Variants in SLC16A6 observed in about 807,000 individuals in gnomAD.
SLC16A6 encodes solute carrier family 16 member 6, also known as monocarboxylate transporter 7.
SLC16A6 carries 15 observed loss-of-function variants against 33.8 expected under a neutral mutation model. The ratio of observed to expected loss-of-function variants is 0.44; its 90% confidence interval spans 0.30 to 0.68. The LOEUF is 0.68. SLC16A6 is among the 30% of genes least tolerant of loss of function. The probability of loss-of-function intolerance (pLI) is 0.10; values close to 1 mark genes in which losing one functional copy is unlikely to be tolerated. For synonymous variants in SLC16A6, 219 were observed against 248.4 expected, an observed-to-expected ratio of 0.88 and a Z score of 1.11; for missense variants, 451 against 661.5, an observed-to-expected ratio of 0.68 and a Z score of 3.49.
At chr17:68,289,144 G>C (rs1194190632) in intron 1 of SLC16A6, among the ~76,000 whole-genome samples, 6 of 152,112 alleles carry the variant, frequency 3.9e-5, no homozygotes, top group African/African-American at 9.7e-5. Flanking sequence ...CCAGGAGTTT[G>C]AGACCAACCC....
At chr17:68,288,648 G>A (rs1344299988) in intron 1 of SLC16A6, among the ~76,000 whole-genome samples, 1 of 152,190 alleles carries the variant, frequency 6.6e-6, no homozygotes, top group Non-Finnish European at 1.5e-5. Flanking sequence ...ACTAGACTCT[G>A]ATGAGCTTAG....
At chr17:68,279,725 T>C (rs1378707382) in intron 1 of SLC16A6, among the ~76,000 whole-genome samples, 1 of 152,202 alleles carries the variant, frequency 6.6e-6, no homozygotes, top group Non-Finnish European at 1.5e-5. Flanking sequence ...GTCTTCTGGA[T>C]TGGGCTCTAG....
At position 68,271,144 on chromosome 17, in the gene SLC16A6, G is replaced by T; in HGVS notation, c.1016C>A (p.Ala339Glu). The stretch of plus-strand genomic sequence containing the variant: ...AGCTCCGATCCTTCCGAAAACTTCT[G>T]CAATGGCCATCGTAGATAATAAAAA... ...AAFLLSTMAI[A>E]EVFGRIGAGF... Residue 339 changes from alanine to glutamate, a missense_variant, in exon 5 of 6, where the codon GCA (alanine) becomes GAA (glutamate). Transcript: ENST00000580666. This position sits in a 1 kb window ranked among gnomAD's most constrained non-coding sequence, Gnocchi z 5.3. The T allele has an allele frequency of 6.2e-7, 1 of 1,614,150 alleles. No homozygotes were observed.
At chr17:68,277,421 C>T (rs557176202) in intron 2 of SLC16A6, among the ~76,000 whole-genome samples, 6 of 151,686 alleles carry the variant, frequency 4.0e-5, no homozygotes, top group South Asian at 4.2e-4. Flanking sequence ...TGAGCCACCG[C>T]GCCCGGCCGC....
rs1331204093 is a variant in SLC16A6, at chr17:68,288,005, T to G, written c.-8+3081A>C. 3.3e-3 allele frequency among the ~76,000 whole-genome samples: 492 copies of G among 149,962 alleles called. 2 individuals are homozygous for G. Among genetic ancestry groups the G allele is most frequent in the African/African-American group, 0.012 (470 of 40,830 alleles). On this transcript the variant is annotated intron_variant, in intron 1 of 5. Transcript: ENST00000580666. Reference sequence around the variant, plus strand: ...TCCCTCCTTTCTTTTTTTTTTTTTTTTGGGGGTTGGGGATGGAGTCTCAGT... The same window carrying G: ...TCCCTCCTTTCTTTTTTTTTTTTTTGTGGGGGTTGGGGATGGAGTCTCAGT...
chr17:68,275,195 G>A (rs1273131580), intron 2 of SLC16A6, among the ~76,000 whole-genome samples: 5 of 152,192 alleles, frequency 3.3e-5, no homozygotes, highest in African/African-American at 1.2e-4. Context: ...GCTTCTATAA[G>A]CTGTATCCCC....
chr17:68,280,312 C>T (rs564558391), intron 1 of SLC16A6, among the ~76,000 whole-genome samples: 92 of 151,168 alleles, frequency 6.1e-4, no homozygotes, highest in African/African-American at 2.0e-3. Flanking sequence ...TATGGAACCA[C>T]AAAAGATCAT....
rs556013848 is a variant in SLC16A6, at chr17:68,269,241, A to G, written c.1427T>C (p.Met476Thr). Residue 476 changes from methionine to threonine, a missense_variant, in exon 6 of 6, where the codon ATG becomes ACG. Around this residue, in one of 2 missense-constraint regions of SLC16A6, gnomAD observed 46 missense variants for 150.8 expected, o/e 0.31. Coordinates refer to ENST00000580666, the MANE Select transcript of SLC16A6 (RefSeq NM_004694.5). The part of the protein sequence containing the change: ...VCLALVRPCK[M>T]GLCQHHHSGE... ...TGAGTGATGATGCTGGCACAGTCCCATCTTACACGGTCTCACCAGGGCGAG... is the reference window on the plus strand; with the variant it reads ...TGAGTGATGATGCTGGCACAGTCCCGTCTTACACGGTCTCACCAGGGCGAG... 3.6e-5 allele frequency: 55 copies of G among 1,525,958 alleles called. 1 individual carries two copies. In the South Asian group the frequency reaches 6.2e-4, roughly 17 times the overall value. The allele number at this position is 1,525,958 out of a possible 1,614,324, so 94.5% of individuals were successfully genotyped here.
In SLC16A6 at chr17:68,278,330, G is replaced by A; in HGVS notation, c.-7-3C>T. The A allele has an allele frequency of 6.2e-7, 1 of 1,600,764 alleles. No individual in the cohort carries two copies. The highest frequency in any genetic ancestry group is 8.5e-7 in the Non-Finnish European group (1 of 1,170,130). Reference sequence around the variant, plus strand: ...ATTTATTTTGGGTCATTCTTAATCTGAAAGAAAAAGTTAAAAGCAATTCAG... The same window carrying A: ...ATTTATTTTGGGTCATTCTTAATCTAAAAGAAAAAGTTAAAAGCAATTCAG... On this transcript the variant is annotated splice_polypyrimidine_tract_variant and splice_region_variant and intron_variant, in intron 1 of 5. Transcript: ENST00000580666.
At chr17:68,289,252 G>C (rs2190760) in intron 1 of SLC16A6, among the ~76,000 whole-genome samples, 94,800 of 151,936 alleles carry the variant, frequency 0.62, 30,418 homozygotes, top group African/African-American at 0.78. Context: ...GAGCAGAGAT[G>C]ACGCTACTGC....
intron 1 of SLC16A6, among the ~76,000 whole-genome samples, chr17:68,283,883 A>C (rs566222234): frequency 1.1e-3 from 168 of 150,358 alleles, no homozygotes; most frequent in African/African-American, 3.9e-3. Context: ...CGTCTCAAAA[A>C]AAAAAAAAAA....
chr17:68,280,906 C>G (rs1338724213), intron 1 of SLC16A6, among the ~76,000 whole-genome samples: 2 of 152,044 alleles, frequency 1.3e-5, no homozygotes, highest in Non-Finnish European at 2.9e-5. Context: ...GGGTGGATTA[C>G]CTGAGCTAAG....
intron 1 of SLC16A6, among the ~76,000 whole-genome samples, chr17:68,285,088 A>C (rs1438528231): frequency 2.0e-5 from 3 of 152,202 alleles, no homozygotes; most frequent in Admixed American, 1.3e-4. Context: ...GCTGATGATG[A>C]TGCTAAGGAA....
chr17:68,270,427 G>A (rs9897553), intron 5 of SLC16A6, among the ~76,000 whole-genome samples: 8,400 of 152,054 alleles, frequency 0.055, 761 homozygotes, highest in African/African-American at 0.19. Flanking sequence ...GGTGGTGGGT[G>A]CCTGTAGTCC....
In SLC16A6 at chr17:68,267,340, T is replaced by A. The variant is rs750001601; in HGVS notation, c.*1756A>T. ...CAAAGTTCTCAAGCAGTGACAGAGA[T>A]TTGCTACATCCACCTTGTTTTAGAT... On this transcript the variant is annotated 3_prime_UTR_variant, in exon 6 of 6. Transcript: ENST00000580666. 3.3e-5 allele frequency: 5 copies of A among 152,186 alleles called. No homozygotes were observed. Among genetic ancestry groups the A allele is most frequent in the Non-Finnish European group, 7.3e-5 (5 of 68,034 alleles). 9.4% of individuals were successfully genotyped at this position (152,186 alleles called of 1,614,324 possible).
rs1555747435 is a variant in SLC16A6, at chr17:68,269,000, A to C, written c.*96T>G. On this transcript the variant is annotated 3_prime_UTR_variant, in exon 6 of 6. Coordinates refer to ENST00000580666, the MANE Select transcript of SLC16A6 (RefSeq NM_004694.5). ...CTTTAAAATGTAGTTTTGAAAGTGG[A>C]GTAGAGGGGTTAGCTCCTCTGCCTC... 7.7e-6 allele frequency: 12 copies of C among 1,556,308 alleles called. No individual in the cohort carries two copies. Among genetic ancestry groups the C allele is most frequent in the Non-Finnish European group, 7.8e-6 (9 of 1,152,596 alleles).
intron 1 of SLC16A6, among the ~76,000 whole-genome samples, chr17:68,285,919 C>T (rs1253261464): frequency 6.6e-6 from 1 of 152,084 alleles, no homozygotes; most frequent in Non-Finnish European, 1.5e-5. Context: ...GCCACCATGC[C>T]CAGCTAATTT....
intron 2 of SLC16A6, among the ~76,000 whole-genome samples, chr17:68,275,215 T>C (rs2075474803): frequency 6.6e-6 from 1 of 152,220 alleles, no homozygotes; most frequent in African/African-American, 2.4e-5. Flanking sequence ...CTAGGACATT[T>C]AAATCTGGCA....
At chr17:68,288,043 C>G (rs1378389570) in intron 1 of SLC16A6, among the ~76,000 whole-genome samples, 3 of 147,030 alleles carry the variant, frequency 2.0e-5, no homozygotes, top group South Asian at 2.1e-4. Flanking sequence ...GTCTCCCAGG[C>G]TGGAGCACAG....
Sources: gnomAD v4.1 joint callset for allele counts (sites outside exome capture counted in the v4.1 genomes callset) on GRCh38, gnomAD v4.1.1 for gene constraint, gnomAD v4.1.1 regional missense constraint, Gnocchi (gnomAD v3.1) non-coding constraint, MANE v1.5 for transcripts, NCBI Gene and HGNC (gene_info 2026-07-23, HGNC 2026-07-21) for gene names.